Variants in JCAD observed in about 807,000 individuals in gnomAD.
The protein encoded by JCAD is junctional cadherin 5-associated protein.
JCAD carries 40 observed loss-of-function variants against 98.0 expected under a neutral mutation model. That is an observed-to-expected ratio of 0.41 (90% CI 0.32 to 0.53). The LOEUF is 0.53. Among genes scored for constraint, JCAD ranks in the 20% least tolerant of loss-of-function variants. The probability of loss-of-function intolerance (pLI) is 0.31; values close to 1 mark genes in which losing one functional copy is unlikely to be tolerated. For missense variants in JCAD, 1,705 were observed against 1,738.1 expected, an observed-to-expected ratio of 0.98 and a Z score of 0.34; for synonymous variants, 691 against 682.3, an observed-to-expected ratio of 1.01 and a Z score of -0.20.
At position 30,028,379 on chromosome 10, in the gene JCAD, T is replaced by C; in HGVS notation, c.1769A>G (p.Glu590Gly). 6.2e-7 allele frequency: 1 copy of C among 1,614,236 alleles called. No homozygotes were observed. Among genetic ancestry groups the C allele is most frequent in the African/African-American group, 1.3e-5 (1 of 75,068 alleles). Residue 590 changes from glutamate (E) to glycine (G), a missense_variant, in exon 3 of 4, where the codon GAA (glutamate) becomes GGA (glycine). Physicochemically the swap from Glu to Gly is moderately conservative, Grantham distance 98 (BLOSUM62 -2). Transcript: ENST00000375377. ...FCLVSIPVKS[E>G]SHLPDRDMDN... ...CATATCTCTATCTGGCAGATGTGAT[T>C]CTGATTTCACTGGGATAGAAACCAA...
chr10:30,021,930 T>A (rs753283950), intron 3 of JCAD, among the ~76,000 whole-genome samples: 15 of 152,214 alleles, frequency 9.9e-5, no homozygotes, highest in Non-Finnish European at 1.6e-4. Flanking sequence ...CATGATCTGG[T>A]ATCATGAAGC....
rs112270270 is a variant in JCAD, at chr10:30,075,439, G to A, written n.129-5618C>T. ...CATGTAGCTTTAGTCCAACTCTGTG[G>A]AATGGCCCAATTGATTTAATATTCA... On this transcript the variant is annotated intron_variant and non_coding_transcript_variant, in intron 1 of 2. Transcript: ENST00000465712. 4.7e-3 allele frequency among the ~76,000 whole-genome samples: 718 copies of A among 152,262 alleles called. 1 individual carries two copies. The highest frequency in any genetic ancestry group is 7.8e-3 in the Non-Finnish European group (531 of 68,014).
At position 30,013,459 on chromosome 10, in the gene JCAD, TG is replaced by T. The variant is rs1248813427; in HGVS notation, c.*4423del. The T allele has an allele frequency of 6.6e-6, 1 of 152,238 alleles. No individual in the cohort carries two copies. Among genetic ancestry groups the T allele is most frequent in the Non-Finnish European group, 1.5e-5 (1 of 68,046 alleles). The allele number at this position is 152,238 out of a possible 1,614,324, so 9.4% of individuals were successfully genotyped here. A position where few individuals can be genotyped will look rare whatever the true frequency, so the allele number is the denominator to read the frequency against. ...CTGACCTAGGTGGAGAGTACTTCAT[TG>T]ATTTTTATAATCTGGAAATGACTGC... On this transcript the variant is annotated 3_prime_UTR_variant, in exon 4 of 4. Transcript: ENST00000375377.
At chr10:30,039,783 C>T (rs548874026) in intron 2 of JCAD, among the ~76,000 whole-genome samples, 31 of 152,026 alleles carry the variant, frequency 2.0e-4, no homozygotes, top group East Asian at 1.9e-4. Context: ...GGAGGGGCGG[C>T]GTGGGTTTAA....
At chr10:30,031,438 ATTT>A (rs34213034) in intron 2 of JCAD, among the ~76,000 whole-genome samples, 23 of 97,068 alleles carry the variant, frequency 2.4e-4, no homozygotes, top group African/African-American at 8.5e-4. Flanking sequence ...GCCCATCTGT[ATTT>A]TTTTTTTTTT....
chr10:30,029,035 A>C lies in JCAD; in HGVS notation c.1113T>G (p.Ser371Arg). 6.2e-7 allele frequency: 1 copy of C among 1,613,904 alleles called. No homozygotes were observed. The highest frequency in any genetic ancestry group is 1.1e-5 in the South Asian group (1 of 91,038). The part of the protein sequence containing the change: ...TVPINVCGGH[S>R]QQQSPTEKAG... ...CCTTCTCGGTCGGAGACTGCTGTTG[A>C]CTGTGACCGCCACACACATTTATGG... is the stretch of plus-strand genomic sequence containing the variant. Residue 371 changes from serine to arginine, a missense_variant, in exon 3 of 4, where the codon AGT becomes AGG. Physicochemically the swap from Ser to Arg is moderately radical, Grantham distance 110. Transcript: ENST00000375377.
chr10:30,071,965 C>T (rs891456007), intron 1 of JCAD, among the ~76,000 whole-genome samples: 10 of 152,064 alleles, frequency 6.6e-5, no homozygotes, highest in African/African-American at 2.2e-4. Context: ...TCCACTCACT[C>T]GATACTCTGT....
rs1838459499 is a variant in JCAD at position 30,100,822 on chromosome 10, G to C, written n.128+14545C>G. Reference sequence around the variant, plus strand: ...ATCCTGAGAACATGTGCCCAAGGTAGTCAGGGTGCAGCTTGGTTTTATACA... The same window carrying C: ...ATCCTGAGAACATGTGCCCAAGGTACTCAGGGTGCAGCTTGGTTTTATACA... On this transcript the variant is annotated intron_variant and non_coding_transcript_variant, in intron 1 of 2. Coordinates refer to the JCAD transcript ENST00000465712. Among the ~76,000 whole-genome samples the C allele has an allele frequency of 2.0e-5, 3 of 152,224 alleles. No individual in the cohort carries two copies. In the South Asian group the frequency reaches 6.2e-4, roughly 32 times the overall value.
At position 30,026,675 on chromosome 10, in the gene JCAD, A is replaced by T; in HGVS notation, c.3473T>A (p.Leu1158His). The T allele has an allele frequency of 6.2e-7, 1 of 1,613,442 alleles. No homozygotes were observed. The highest frequency in any genetic ancestry group is 8.5e-7 in the Non-Finnish European group (1 of 1,180,020). ...GGCACTGTCCCTGTCCCCTACAAAGAGAGGGCTCTTGGTCCAGCCGCACTT... is the reference window on the plus strand; with the variant it reads ...GGCACTGTCCCTGTCCCCTACAAAGTGAGGGCTCTTGGTCCAGCCGCACTT... The part of the protein sequence containing the change: ...RRKCGWTKSP[L>H]FVGDRDSARR... Residue 1158 changes from leucine to histidine, a missense_variant, in exon 3 of 4, where the codon CTC (leucine) becomes CAC (histidine). Transcript: ENST00000375377.
rs555052022 is a variant in JCAD, at chr10:30,029,010, C to G, written c.1138G>C (p.Ala380Pro). Residue 380 changes from alanine to proline, a missense_variant, in exon 3 of 4, where the codon GCT becomes CCT. Around this residue, in one of 3 missense-constraint regions of JCAD, gnomAD observed 1,278 missense variants for 1,243.1 expected, o/e 1.03. Coordinates refer to ENST00000375377, the MANE Select transcript of JCAD (RefSeq NM_020848.4). ...HSQQQSPTEK[A>P]GASGQPPSGP... Reference sequence around the variant, plus strand: ...GAAGGAGGCTGACCGCTGGCCCCAGCCTTCTCGGTCGGAGACTGCTGTTGA... The same window carrying G: ...GAAGGAGGCTGACCGCTGGCCCCAGGCTTCTCGGTCGGAGACTGCTGTTGA... 3.7e-6 allele frequency: 6 copies of G among 1,613,946 alleles called. No homozygotes were observed. In the African/African-American group the frequency reaches 4.0e-5, roughly 11 times the overall value.
At chr10:30,113,506 G>A (rs560185771) in intron 1 of JCAD, among the ~76,000 whole-genome samples, 26 of 134,228 alleles carry the variant, frequency 1.9e-4, no homozygotes, top group South Asian at 4.9e-4. Flanking sequence ...AGCCAAGATC[G>A]TGCCACTGCA....
At chr10:30,087,499 A>G (rs960698601) in intron 1 of JCAD, among the ~76,000 whole-genome samples, 3 of 152,214 alleles carry the variant, frequency 2.0e-5, no homozygotes, top group African/African-American at 7.2e-5. Context: ...AGCTGAACAC[A>G]GTCTAGCACT....
chr10:30,077,172 A>G (rs1316989992), intron 1 of JCAD, among the ~76,000 whole-genome samples: 1 of 152,168 alleles, frequency 6.6e-6, no homozygotes, highest in Non-Finnish European at 1.5e-5. Context: ...AAGGTAATAT[A>G]TTTACAAATC....
Position 30,028,954 on chromosome 10 carries a change from A to G in JCAD, c.1194T>C (p.Gly398=), listed in dbSNP as rs1589682048. 6.2e-7 allele frequency: 1 copy of G among 1,614,068 alleles called. No homozygotes were observed. The highest frequency in any genetic ancestry group is 2.2e-5 in the East Asian group (1 of 44,878). Residue 398 remains glycine (G), a synonymous_variant, in exon 3 of 4, where the codon GGT becomes GGC. Coordinates refer to ENST00000375377, the MANE Select transcript of JCAD (RefSeq NM_020848.4). Reference sequence around the variant, plus strand: ...GCCCCTGAGGCAAGCGGGGGCTCACACCATACTCATTCCCAGTTCCAGGGG... The same window carrying G: ...GCCCCTGAGGCAAGCGGGGGCTCACGCCATACTCATTCCCAGTTCCAGGGG... ...SGPPGTGNEY[G]VSPRLPQGLP...
chr10:30,093,419 T>G (rs1470857339), intron 1 of JCAD, among the ~76,000 whole-genome samples: 2 of 152,232 alleles, frequency 1.3e-5, no homozygotes, highest in Non-Finnish European at 2.9e-5. Flanking sequence ...TTTGGATAAT[T>G]TGAAACTGGC....
At position 30,097,314 on chromosome 10, in the gene JCAD, G is replaced by A. The variant is rs1254286911; in HGVS notation, n.128+18053C>T. On this transcript the variant is annotated intron_variant and non_coding_transcript_variant, in intron 1 of 2. Coordinates refer to the JCAD transcript ENST00000465712. The stretch of plus-strand genomic sequence containing the variant: ...TGGTGCTTACTCTAAGCCCCCTGCA[G>A]CCTGGGGTATTAGTGGGACAAAGGA... Among the ~76,000 whole-genome samples the A allele has an allele frequency of 5.9e-5, 9 of 152,324 alleles. No individual in the cohort carries two copies. The East Asian group carries it at 1.7e-3, about 29-fold the overall frequency.
At chr10:30,098,349 C>G (rs894576341) in intron 1 of JCAD, among the ~76,000 whole-genome samples, 1 of 152,112 alleles carries the variant, frequency 6.6e-6, no homozygotes, top group African/African-American at 2.4e-5. Flanking sequence ...TCCTAGGCAC[C>G]CTCAGATCTC....
rs566816479 is a variant in JCAD, at chr10:30,019,783, A to G, written c.4046-1866T>C. Among the ~76,000 whole-genome samples, 4 of 152,290 alleles carry G rather than the reference A, an allele frequency of 2.6e-5. No homozygotes were observed. The East Asian group carries it at 5.8e-4, about 22-fold the overall frequency. ...CTCAAATGTTCTCAGCACACACTCA[A>G]AAAAACTGGTAACTATGAGAGAAGA... On this transcript the variant is annotated intron_variant, in intron 3 of 3. Coordinates refer to ENST00000375377, the MANE Select transcript of JCAD (RefSeq NM_020848.4).
At chr10:30,038,452 G>A (rs763596557) in intron 2 of JCAD, among the ~76,000 whole-genome samples, 2 of 152,058 alleles carry the variant, frequency 1.3e-5, no homozygotes, top group Non-Finnish European at 2.9e-5. Context: ...GAGACGCTGA[G>A]GTAGGAGGAT....
Sources: allele counts gnomAD v4.1 joint callset (sites outside exome capture counted in the v4.1 genomes callset), GRCh38; gene constraint gnomAD v4.1.1; regional missense constraint gnomAD v4.1.1; transcripts MANE v1.5; gene names NCBI Gene and HGNC (gene_info 2026-07-23, HGNC 2026-07-21).